The following SESN1 variants were observed in gnomAD, a reference collection of about 807,000 sequenced individuals.
SESN1 encodes the protein sestrin-1.
A neutral mutation model predicts 59.3 loss-of-function variants in SESN1; 30 were observed. That is an observed-to-expected ratio of 0.51 (90% CI 0.38 to 0.69). SESN1 has a LOEUF of 0.69. Ranked by LOEUF, SESN1 falls within the 30% of genes least tolerant of loss-of-function variation. The pLI, the probability that SESN1 is intolerant of heterozygous loss-of-function variation, is 0.00. For synonymous variants in SESN1, 197 were observed against 219.9 expected, an observed-to-expected ratio of 0.90 and a Z score of 0.92; for missense variants, 566 against 673.0, an observed-to-expected ratio of 0.84 and a Z score of 1.76.
chr6:109,009,387 T>C (rs1490247771), intron 1 of SESN1: 3 of 1,466,536 alleles, frequency 2.0e-6, no homozygotes, highest in Non-Finnish European at 2.7e-6. Flanking sequence ...CCCGCCGCAC[T>C]GCTTGCAGCC....
chr6:109,052,152 C>T (rs938997585), intron 1 of SESN1, among the ~76,000 whole-genome samples: 9 of 152,162 alleles, frequency 5.9e-5, no homozygotes, highest in Admixed American at 5.9e-4. Context: ...GAAAATTCAA[C>T]AAAGAAAGGA....
At chr6:109,047,550 A>G in intron 1 of SESN1, among the ~76,000 whole-genome samples, 2 of 130,396 alleles carry the variant, frequency 1.5e-5, no homozygotes, top group Non-Finnish European at 3.4e-5. Flanking sequence ...CCTACTGGGA[A>G]GTGAGGAGCC....
intron 1 of SESN1, among the ~76,000 whole-genome samples, chr6:109,060,361 C>T (rs1249108047): frequency 6.6e-6 from 1 of 152,164 alleles, no homozygotes; most frequent in Non-Finnish European, 1.5e-5. Flanking sequence ...GCTTAAAGCA[C>T]CTGTTTATAA....
At chr6:109,067,158 T>C (rs1003932094) in intron 1 of SESN1, among the ~76,000 whole-genome samples, 17 of 152,196 alleles carry the variant, frequency 1.1e-4, no homozygotes, top group African/African-American at 4.1e-4. Context: ...CAGCCCTCAC[T>C]GTTCAACAAA....
chr6:109,028,925 C>A (rs76430494), intron 1 of SESN1, among the ~76,000 whole-genome samples: 16,563 of 152,066 alleles, frequency 0.11, 1,030 homozygotes, highest in Middle Eastern at 0.19. Context: ...GACATGAGAG[C>A]GGGTATCTCT....
At chr6:109,071,250 G>A (rs894833146) in intron 1 of SESN1, among the ~76,000 whole-genome samples, 4 of 152,080 alleles carry the variant, frequency 2.6e-5, no homozygotes, top group East Asian at 1.9e-4. Context: ...AGTTCAGGTC[G>A]TGTTTGGGGC....
intron 1 of SESN1, among the ~76,000 whole-genome samples, chr6:109,052,203 A>G (rs2114443392): frequency 6.6e-6 from 1 of 152,374 alleles, no homozygotes; most frequent in East Asian, 1.9e-4. Context: ...TCTTAGCCTA[A>G]AACAGTGCCT....
intron 9 of SESN1, among the ~76,000 whole-genome samples, chr6:108,988,139 T>C (rs1230925849): frequency 6.6e-6 from 1 of 152,210 alleles, no homozygotes; most frequent in Non-Finnish European, 1.5e-5. Context: ...TATTTTATCA[T>C]GTTTCTTGGA....
At chr6:109,009,508 C>A (rs868561615) in intron 1 of SESN1, 7 of 1,203,252 alleles carry the variant, frequency 5.8e-6, no homozygotes, top group Middle Eastern at 6.6e-4. Context: ...GAGCGCTGGG[C>A]AGCCGGCCGC....
At chr6:109,078,740 TAAAG>T (rs1354665584) in intron 1 of SESN1, among the ~76,000 whole-genome samples, 1 of 152,198 alleles carries the variant, frequency 6.6e-6, no homozygotes, top group African/African-American at 2.4e-5. Flanking sequence ...GTGTCAGACA[TAAAG>T]AAATATTTTA....
At chr6:108,992,038 A>C (rs1779396654) in intron 7 of SESN1, among the ~76,000 whole-genome samples, 1 of 152,162 alleles carries the variant, frequency 6.6e-6, no homozygotes, top group Non-Finnish European at 1.5e-5. Context: ...GATGTCTTCA[A>C]TTTCTAATCT....
intron 1 of SESN1, among the ~76,000 whole-genome samples, chr6:109,079,564 T>C (rs1781087044): frequency 6.6e-6 from 1 of 152,200 alleles, no homozygotes; most frequent in African/African-American, 2.4e-5. Flanking sequence ...TTAGAAAATC[T>C]CAATGAGGTA....
intron 1 of SESN1, among the ~76,000 whole-genome samples, chr6:109,002,744 T>G (rs1259338118): frequency 6.6e-6 from 1 of 152,166 alleles, no homozygotes; most frequent in Non-Finnish European, 1.5e-5. Flanking sequence ...AAGCAGTACT[T>G]CCACCTAGGT....
chr6:109,078,117 G>GT (rs1436896249), intron 1 of SESN1, among the ~76,000 whole-genome samples: 1 of 151,760 alleles, frequency 6.6e-6, no homozygotes, highest in African/African-American at 2.4e-5. Flanking sequence ...ATTTAAATTT[G>GT]TATATTTATT....
chr6:109,057,367 T>C (rs1337584465), intron 1 of SESN1, among the ~76,000 whole-genome samples: 1 of 152,226 alleles, frequency 6.6e-6, no homozygotes, highest in Non-Finnish European at 1.5e-5. Context: ...ATTCTAAGGA[T>C]GGCAGAGGGC....
At position 109,001,582 on chromosome 6, in the gene SESN1, A is replaced by C. The variant is rs1285258471; in HGVS notation, c.346-94T>G. 4.5e-6 allele frequency: 5 copies of C among 1,099,686 alleles called. No individual in the cohort carries two copies. In the East Asian group the frequency reaches 1.3e-4, roughly 28 times the overall value. The allele number at this position is 1,099,686 out of a possible 1,614,324, so 68.1% of individuals were successfully genotyped here. A position where few individuals can be genotyped will look rare whatever the true frequency, so the allele number is the denominator to read the frequency against. Reference sequence around the variant, plus strand: ...CGCTACACTCTAAGTATCATTTAGAAGCAGATTAAATCTGGCTTAAGAAAG... The same window carrying C: ...CGCTACACTCTAAGTATCATTTAGACGCAGATTAAATCTGGCTTAAGAAAG... On this transcript the variant is annotated intron_variant, in intron 2 of 9. Transcript: ENST00000436639.
intron 1 of SESN1, among the ~76,000 whole-genome samples, 174 bp from the exon 2 acceptor site, chr6:109,002,517 C>G (rs1779649171): frequency 6.6e-6 from 1 of 152,118 alleles, no homozygotes; most frequent in African/African-American, 2.4e-5. Flanking sequence ...TAGCTAACAA[C>G]AGCTTATAAT....
Position 109,094,204 on chromosome 6 carries a change from G to A in SESN1, c.-131C>T. 9.8e-7 allele frequency: 1 copy of A among 1,016,780 alleles called. No homozygotes were observed. Among genetic ancestry groups the A allele is most frequent in the Non-Finnish European group, 1.4e-6 (1 of 705,000 alleles). The allele number at this position is 1,016,780 out of a possible 1,614,324, so 63.0% of individuals were successfully genotyped here. ...AAATCGTCATGAAAACACACATCTG[G>A]GTGACATTTGGAACCACTGGTGCCT... is the stretch of plus-strand genomic sequence containing the variant. On this transcript the variant is annotated 5_prime_UTR_variant, in exon 1 of 10. Coordinates refer to ENST00000436639, the MANE Select transcript of SESN1 (RefSeq NM_014454.3).
chr6:109,006,174 A>C (rs962236098), intron 1 of SESN1, among the ~76,000 whole-genome samples: 1 of 152,228 alleles, frequency 6.6e-6, no homozygotes, highest in African/African-American at 2.4e-5. Context: ...GTTTAGAAAG[A>C]GTATTTGGTG....
Sources: gnomAD v4.1 joint callset for allele counts (sites outside exome capture counted in the v4.1 genomes callset) on GRCh38, gnomAD v4.1.1 for gene constraint, MANE v1.5 for transcripts, NCBI Gene and HGNC (gene_info 2026-07-23, HGNC 2026-07-21) for gene names.